Variants in RDX observed in about 807,000 individuals in gnomAD.
RDX encodes deafness, autosomal recessive 24.
RDX carries 32 observed loss-of-function variants against 83.7 expected under a neutral mutation model. That is an observed-to-expected ratio of 0.38 (90% CI 0.29 to 0.51). The LOEUF is 0.51. Among genes scored for constraint, RDX ranks in the 20% least tolerant of loss-of-function variants. RDX has a pLI of 0.87. For synonymous variants in RDX, 229 were observed against 222.7 expected, an observed-to-expected ratio of 1.03 and a Z score of -0.25; for missense variants, 600 against 689.9, an observed-to-expected ratio of 0.87 and a Z score of 1.46.
intron 1 of RDX, among the ~76,000 whole-genome samples, chr11:110,293,982 T>C (rs971678000): frequency 6.6e-6 from 1 of 152,224 alleles, no homozygotes; most frequent in Non-Finnish European, 1.5e-5. Context: ...CATTTACCAT[T>C]TCAGACTATT....
At chr11:110,243,448 T>A (rs1865179994) in intron 10 of RDX, among the ~76,000 whole-genome samples, 1 of 152,198 alleles carries the variant, frequency 6.6e-6, no homozygotes, top group Admixed American at 6.5e-5. Flanking sequence ...CTGGGCACAG[T>A]GGCTCAGGCC....
chr11:110,225,910 T>C (rs1232459834), downstream of RDX, among the ~76,000 whole-genome samples: 11 of 145,080 alleles, frequency 7.6e-5, no homozygotes, highest in Non-Finnish European at 1.7e-4. Context: ...AAGAAAAAAA[T>C]ACAAAATTAG....
At position 110,296,565 on chromosome 11, in the gene RDX, C is replaced by G. The variant is rs7107158; in HGVS notation, c.-163G>C. The G allele has an allele frequency of 1, 151,331 of 151,332 alleles. 75,665 individuals are homozygous for G. The highest frequency in any genetic ancestry group is 1 in the Non-Finnish European group (67,722 of 67,722). The allele number at this position is 151,332 out of a possible 1,614,324, so 9.4% of individuals were successfully genotyped here. ...GGAGAAGCGGTGGTGCGAGCGCTGG[C>G]CCGCGGGAGACGAGAGGCGCCGCCG... On this transcript the variant is annotated 5_prime_UTR_variant, in exon 1 of 14. Coordinates refer to ENST00000645495, the MANE Select transcript of RDX (RefSeq NM_002906.4).
intron 10 of RDX, among the ~76,000 whole-genome samples, chr11:110,245,011 C>T (rs1255537855): frequency 4.7e-5 from 7 of 149,028 alleles, no homozygotes; most frequent in Non-Finnish European, 1.0e-4. Flanking sequence ...GTCATCCAGG[C>T]AGAAGCGCAG....
intron 14 of RDX, among the ~76,000 whole-genome samples, chr11:110,201,996 C>T (rs1158886510): frequency 2.0e-5 from 3 of 151,618 alleles, no homozygotes; most frequent in African/African-American, 7.3e-5. Flanking sequence ...GGCTAGGCTG[C>T]TCTCAAACTC....
chr11:110,284,998 T>C (rs1860924150), intron 1 of RDX, among the ~76,000 whole-genome samples: 1 of 152,176 alleles, frequency 6.6e-6, no homozygotes, highest in Non-Finnish European at 1.5e-5. Context: ...GATGTAAAAA[T>C]TCTACCTTAA....
intron 14 of RDX, among the ~76,000 whole-genome samples, chr11:110,220,270 G>C (rs1394978165): frequency 6.6e-6 from 1 of 151,960 alleles, no homozygotes; most frequent in African/African-American, 2.4e-5. Context: ...AATGACAGAA[G>C]TTACTATTTA....
At chr11:110,275,974 G>A (rs1268988500) in intron 2 of RDX, among the ~76,000 whole-genome samples, 1 of 151,496 alleles carries the variant, frequency 6.6e-6, no homozygotes, top group African/African-American at 2.4e-5. Flanking sequence ...TAGTATAAAC[G>A]GGCCAGTATA....
rs1408819542 is a variant in RDX, at chr11:110,214,803, G to C, written c.1749-15125C>G. Among the ~76,000 whole-genome samples the C allele has an allele frequency of 6.3e-3, 679 of 107,088 alleles. 14 individuals carry two copies. Among genetic ancestry groups the C allele is most frequent in the African/African-American group, 0.021 (613 of 28,536 alleles). 70.3% of individuals were successfully genotyped at this position (107,088 alleles called of 152,430 possible). On this transcript the variant is annotated intron_variant, in intron 14 of 15. Coordinates refer to the RDX transcript ENST00000528498. ...GGGAATTGAACAATGAGATCACATGGACACAGGAAGGGGAATATCACACTC... is the reference window on the plus strand; with the variant it reads ...GGGAATTGAACAATGAGATCACATGCACACAGGAAGGGGAATATCACACTC...
At chr11:110,241,055 C>T (rs1565310050) in intron 10 of RDX, among the ~76,000 whole-genome samples, 1 of 51,756 alleles carries the variant, frequency 1.9e-5, no homozygotes, top group African/African-American at 7.3e-5. Flanking sequence ...GACTCTGTCT[C>T]CAAAAAAAAA....
Position 110,247,839 on chromosome 11 carries a change from A to G in RDX, c.960-6T>C. On this transcript the variant is annotated splice_region_variant and splice_polypyrimidine_tract_variant and intron_variant, in intron 9 of 13. Transcript: ENST00000645495. Reference sequence around the variant, plus strand: ...TTTCATTCTCTAATTGTGCCCTTAAAAGGAATTGCAATTGCTGTTACAAAT... The same window carrying G: ...TTTCATTCTCTAATTGTGCCCTTAAGAGGAATTGCAATTGCTGTTACAAAT... The G allele has an allele frequency of 6.4e-7, 1 of 1,553,010 alleles. No individual in the cohort carries two copies. Among genetic ancestry groups the G allele is most frequent in the Non-Finnish European group, 8.7e-7 (1 of 1,150,110 alleles).
intron 14 of RDX, among the ~76,000 whole-genome samples, chr11:110,212,883 T>C (rs1432577752): frequency 2.4e-4 from 32 of 133,010 alleles, no homozygotes; most frequent in Admixed American, 3.8e-4. Context: ...AATATCATAC[T>C]GAATGGGCAA....
intron 14 of RDX, among the ~76,000 whole-genome samples, chr11:110,217,778 C>A (rs1864107524): frequency 6.6e-6 from 1 of 152,304 alleles, no homozygotes; most frequent in African/African-American, 2.4e-5. Context: ...CCTGAGGCGA[C>A]TGCTGACAAT....
chr11:110,294,536 C>G (rs1861368558), intron 1 of RDX, among the ~76,000 whole-genome samples: 1 of 151,502 alleles, frequency 6.6e-6, no homozygotes, highest in African/African-American at 2.4e-5. Context: ...AAAAATTTAT[C>G]GACTTAAAAA....
chr11:110,295,642 G>GAAAAAAAAAAAAA (rs370760081), intron 1 of RDX, among the ~76,000 whole-genome samples: 1 of 122,256 alleles, frequency 8.2e-6, no homozygotes, highest in African/African-American at 3.1e-5. Context: ...TGTTTAAACT[G>GAAAAAAAAAAAAA]AAAAAAAAAA....
chr11:110,295,063 A>C (rs1202045257), intron 1 of RDX, among the ~76,000 whole-genome samples: 1 of 152,240 alleles, frequency 6.6e-6, no homozygotes. Flanking sequence ...TTAACTTCAA[A>C]AGGAGTGTTT....
chr11:110,266,064 T>C (rs538173708), intron 3 of RDX, among the ~76,000 whole-genome samples: 3 of 151,864 alleles, frequency 2.0e-5, no homozygotes, highest in East Asian at 1.9e-4. Flanking sequence ...GTGGCTCACG[T>C]CTGTAATCCC....
chr11:110,220,877 G>A (rs1025185209), intron 14 of RDX, among the ~76,000 whole-genome samples: 29 of 48,782 alleles, frequency 5.9e-4, no homozygotes, highest in Non-Finnish European at 8.9e-4. Context: ...AACAGCCTCT[G>A]TAAAAAAAAA....
chr11:110,191,417 A>AAC (rs1429369467), intron 15 of RDX, among the ~76,000 whole-genome samples: 1 of 152,252 alleles, frequency 6.6e-6, no homozygotes, highest in Admixed American at 6.5e-5. Context: ...GCATTAAAGG[A>AAC]ACATATCTCA....
Sources: gnomAD v4.1 joint callset for allele counts (sites outside exome capture counted in the v4.1 genomes callset) on GRCh38, gnomAD v4.1.1 for gene constraint, MANE v1.5 for transcripts, NCBI Gene and HGNC (gene_info 2026-07-23, HGNC 2026-07-21) for gene names.